BRF1: variants seen among roughly 807,000 people sequenced by gnomAD.
BRF1 encodes the protein transcription factor IIIB 90 kDa subunit.
BRF1 carries 59 observed loss-of-function variants against 81.7 expected under a neutral mutation model. The observed-to-expected ratio is 0.72, with a 90% CI of 0.59 to 0.90. The LOEUF (loss-of-function observed/expected upper bound fraction) is 0.90. Ranked by LOEUF, BRF1 falls within the 40% of genes least tolerant of loss-of-function variation. BRF1 has a pLI of 0.00. For synonymous variants in BRF1, 491 were observed against 395.6 expected (o/e 1.24, Z -2.86); for missense variants, 1,050 against 936.3 (o/e 1.12, Z -1.58).
intron 5 of BRF1, among the ~76,000 whole-genome samples, chr14:105,243,334 C>T (rs1290110938): frequency 6.6e-6 from 1 of 150,488 alleles, no homozygotes; most frequent in Non-Finnish European, 1.5e-5. Context: ...CCTATAGTCC[C>T]AGATACTTGA....
At chr14:105,247,376 A>G (rs2055192981) in intron 5 of BRF1, 2 of 985,436 alleles carry the variant, frequency 2.0e-6, no homozygotes, top group Non-Finnish European at 2.4e-6. Flanking sequence ...CGGGCACCCC[A>G]TTCCTGGGAG....
At chr14:105,313,664 A>G (rs587650475) in intron 1 of BRF1, among the ~76,000 whole-genome samples, 7 of 152,372 alleles carry the variant, frequency 4.6e-5, no homozygotes, top group African/African-American at 1.4e-4. Flanking sequence ...AACCAGCTCC[A>G]GGTCAATTTG....
rs118016083 is a variant in BRF1, at chr14:105,209,609, G to A, written c.*942C>T. The A allele has an allele frequency of 0.022, 15,501 of 700,226 alleles. 257 individuals are homozygous for A. Among genetic ancestry groups the A allele is most frequent in the Non-Finnish European group, 0.032 (12,430 of 383,330 alleles). The allele number at this position is 700,226 out of a possible 1,614,324, so 43.4% of individuals were successfully genotyped here. A position where few individuals can be genotyped will look rare whatever the true frequency, so the allele number is the denominator to read the frequency against. ...GGTACTGGGGCCTTCCCACGAAGAG[G>A]CCTGGGGAGGCTCTCGGGCCTCCGT... is the stretch of plus-strand genomic sequence containing the variant. On this transcript the variant is annotated 3_prime_UTR_variant, in exon 18 of 18. Coordinates refer to ENST00000547530, the MANE Select transcript of BRF1 (RefSeq NM_001519.4).
chr14:105,315,192 G>GC lies in BRF1; in HGVS notation c.-162+129dup, dbSNP rs1199474921. 8 of 290,364 alleles carry GC rather than the reference G, an allele frequency of 2.8e-5. No homozygotes were observed. Among genetic ancestry groups the GC allele is most frequent in the East Asian group, 2.8e-4 (2 of 7,098 alleles). 18.0% of individuals were successfully genotyped at this position (290,364 alleles called of 1,614,324 possible). On this transcript the variant is annotated intron_variant, in intron 1 of 17. Coordinates refer to the BRF1 transcript ENST00000327359. The surrounding 1 kb of genome is among the most constrained non-coding windows in gnomAD (Gnocchi z 4.4). The stretch of plus-strand genomic sequence containing the variant: ...CGCCGGTTCGACGCGTGCAGCCGCC[G>GC]CCCCCCCGCAGCTCCGGCAAGCGCG...
At chr14:105,243,284 A>C (rs2054839423) in intron 5 of BRF1, among the ~76,000 whole-genome samples, 3 of 141,672 alleles carry the variant, frequency 2.1e-5, no homozygotes. Flanking sequence ...TTACTAAAAT[A>C]CAAAAAAAAA....
intron 5 of BRF1, chr14:105,247,818 G>A: frequency 4.1e-6 from 4 of 985,638 alleles, no homozygotes; most frequent in Non-Finnish European, 4.8e-6. Flanking sequence ...CAGCTGTGCG[G>A]CCCAGGCCAG....
At chr14:105,242,977 G>T (rs1167174985) in intron 5 of BRF1, among the ~76,000 whole-genome samples, 6 of 151,314 alleles carry the variant, frequency 4.0e-5, no homozygotes, top group Non-Finnish European at 8.8e-5. Flanking sequence ...TGAGCTGGGC[G>T]TGGTGGTGCA....
chr14:105,247,797 T>G, intron 5 of BRF1: 1 of 985,562 alleles, frequency 1.0e-6, no homozygotes, highest in Non-Finnish European at 1.2e-6. Flanking sequence ...GCACGCGAGC[T>G]TGGCATGCAC....
Position 105,272,802 on chromosome 14 carries a change from T to C in BRF1, c.358A>G (p.Arg120Gly). 3 of 1,614,028 alleles carry C rather than the reference T, an allele frequency of 1.9e-6. No individual in the cohort carries two copies. Among genetic ancestry groups the C allele is most frequent in the Non-Finnish European group, 2.5e-6 (3 of 1,180,012 alleles). ...AFNFFKMAVS[R>G]HLTRGRKMAH... ...ATCTTCCGGCCGCGGGTCAGGTGCCTGCTCACGGCCATCTTGAAGAAGTTG... is the reference window on the plus strand; with the variant it reads ...ATCTTCCGGCCGCGGGTCAGGTGCCCGCTCACGGCCATCTTGAAGAAGTTG... Residue 120 changes from arginine (R) to glycine (G), a missense_variant, in exon 3 of 18, where the codon AGG (arginine) becomes GGG (glycine). Coordinates refer to ENST00000547530, the MANE Select transcript of BRF1 (RefSeq NM_001519.4).
chr14:105,309,124 G>A lies in BRF1; in HGVS notation c.-162+6198C>T, dbSNP rs2058275917. Among the ~76,000 whole-genome samples the A allele has an allele frequency of 1.3e-5, 2 of 152,202 alleles. No homozygotes were observed. Among genetic ancestry groups the A allele is most frequent in the Admixed American group, 6.5e-5 (1 of 15,272 alleles). ...CTGTGAATGTCCTTGGCTGATTTCT[G>A]TATTAGGGCCTGGGTGTTTTCCTTT... is the stretch of plus-strand genomic sequence containing the variant. On this transcript the variant is annotated intron_variant, in intron 1 of 17. Transcript: ENST00000327359. The surrounding 1 kb of genome is among the most constrained non-coding windows in gnomAD (Gnocchi z 4.0).
rs1477174740 is a variant in BRF1, at chr14:105,209,618, G to A, written c.*933C>T. 1.4e-6 allele frequency: 1 copy of A among 697,276 alleles called. No homozygotes were observed. The highest frequency in any genetic ancestry group is 1.5e-5 in the South Asian group (1 of 67,090). The allele number at this position is 697,276 out of a possible 1,614,324, so 43.2% of individuals were successfully genotyped here. On this transcript the variant is annotated 3_prime_UTR_variant, in exon 18 of 18. Transcript: ENST00000547530. ...GCCTTCCCACGAAGAGGCCTGGGGA[G>A]GCTCTCGGGCCTCCGTCTGCCCTCC... is the stretch of plus-strand genomic sequence containing the variant.
rs774884347 is a variant in BRF1 at position 105,249,473 on chromosome 14, C to T, written c.544+3034G>A. On this transcript the variant is annotated intron_variant, in intron 5 of 17. Transcript: ENST00000547530. ...TGGAGCCCGCAGCCTTTCTGATCCT[C>T]TTAAAGTAAGTCCACTCTACTGGGG... The T allele has an allele frequency of 3.2e-5, 51 of 1,584,752 alleles. No individual in the cohort carries two copies. The Middle Eastern group carries it at 6.6e-4, about 21-fold the overall frequency.
chr14:105,264,130 C>G (rs181517536), intron 3 of BRF1, among the ~76,000 whole-genome samples: 3 of 152,266 alleles, frequency 2.0e-5, no homozygotes, highest in Admixed American at 2.0e-4. Context: ...TTATCAATGA[C>G]TTTCACCTAA....
At chr14:105,249,301 T>C (rs992128047) in intron 5 of BRF1, 4 of 1,582,658 alleles carry the variant, frequency 2.5e-6, no homozygotes, top group East Asian at 4.6e-5. Flanking sequence ...CCGTCCGCCG[T>C]GTGGCTGACA....
intron 15 of BRF1, among the ~76,000 whole-genome samples, chr14:105,215,960 C>A (rs1280884267): frequency 2.8e-5 from 4 of 142,108 alleles, no homozygotes; most frequent in Non-Finnish European, 6.0e-5. Context: ...CAGGCACACA[C>A]ACACATGCAC....
In BRF1 at chr14:105,216,480, T is replaced by C. The variant is rs115134805; in HGVS notation, c.1772+1064A>G. 6.4e-3 allele frequency among the ~76,000 whole-genome samples: 969 copies of C among 152,266 alleles called. 13 individuals are homozygous for C. Among genetic ancestry groups the C allele is most frequent in the African/African-American group, 0.022 (908 of 41,548 alleles). On this transcript the variant is annotated intron_variant, in intron 15 of 17. Coordinates refer to ENST00000547530, the MANE Select transcript of BRF1 (RefSeq NM_001519.4). ...CCCCAGAGGACCAGTGCATGGCTGA[T>C]GTGGAGGAGACAGCCCATGCGGCCC...
At chr14:105,223,007 C>T (rs1318668234) in intron 10 of BRF1, among the ~76,000 whole-genome samples, 1 of 152,132 alleles carries the variant, frequency 6.6e-6, no homozygotes, top group Non-Finnish European at 1.5e-5. Context: ...GCCTGGGCAA[C>T]ACAGCAAGAT....
chr14:105,228,765 GC>G (rs1465774239), intron 7 of BRF1, 54 bp downstream of exon 7: 1 of 1,596,388 alleles, frequency 6.3e-7, no homozygotes, highest in Non-Finnish European at 8.6e-7. Context: ...GCAGGCCTGA[GC>G]TGGACTGATG....
At chr14:105,261,207 G>A (rs587601766) in intron 3 of BRF1, among the ~76,000 whole-genome samples, 1 of 152,374 alleles carries the variant, frequency 6.6e-6, no homozygotes, top group African/African-American at 2.4e-5. Flanking sequence ...GTGCAGCTGA[G>A]TGCCAGTCAA....
Sources: gnomAD v4.1 joint callset for allele counts (sites outside exome capture counted in the v4.1 genomes callset) on GRCh38, gnomAD v4.1.1 for gene constraint, Gnocchi (gnomAD v3.1) non-coding constraint, MANE v1.5 for transcripts, NCBI Gene and HGNC (gene_info 2026-07-23, HGNC 2026-07-21) for gene names.